TMCC1: variants seen among roughly 807,000 people sequenced by gnomAD.
TMCC1 encodes transmembrane and coiled-coil domains protein 1.
TMCC1 carries 15 observed loss-of-function variants against 52.4 expected under a neutral mutation model. The observed-to-expected ratio is 0.29, with a 90% CI of 0.19 to 0.44. The LOEUF is 0.44. Among genes scored for constraint, TMCC1 ranks in the 20% least tolerant of loss-of-function variants. TMCC1 has a pLI of 1.00. For missense variants in TMCC1, 503 were observed against 806.0 expected (o/e 0.62, Z 4.55); for synonymous variants, 279 against 301.9 (o/e 0.92, Z 0.79).
At chr3:129,753,372 C>G (rs529723910) in intron 4 of TMCC1, among the ~76,000 whole-genome samples, 1 of 152,252 alleles carries the variant, frequency 6.6e-6, no homozygotes, top group East Asian at 1.9e-4. Context: ...AGATGTTTTT[C>G]ACACTCGACA....
chr3:129,721,217 C>G (rs759854272), intron 4 of TMCC1, among the ~76,000 whole-genome samples: 1 of 152,182 alleles, frequency 6.6e-6, no homozygotes. Context: ...AACGGCTAAC[C>G]TGCTCTCCTC....
In TMCC1 at chr3:129,739,449, C is replaced by T. The variant is rs528072802; in HGVS notation, c.577-68185G>A. 2.6e-5 allele frequency among the ~76,000 whole-genome samples: 4 copies of T among 152,252 alleles called. No individual in the cohort carries two copies. The South Asian group carries it at 8.3e-4, about 32-fold the overall frequency. On this transcript the variant is annotated intron_variant, in intron 4 of 6. Transcript: ENST00000393238. The stretch of plus-strand genomic sequence containing the variant: ...CCCAAAGTGCTGAGATTGCGTGAGC[C>T]ACTGCGCCTGGCCCACAGATGATTC...
At chr3:129,779,731 A>G (rs2055360300) in intron 4 of TMCC1, among the ~76,000 whole-genome samples, 1 of 152,172 alleles carries the variant, frequency 6.6e-6, no homozygotes, top group South Asian at 2.1e-4. Flanking sequence ...CTAAATGAAA[A>G]TGGAACAATG....
intron 6 of TMCC1, among the ~76,000 whole-genome samples, chr3:129,653,574 G>C (rs1438037644): frequency 6.6e-6 from 1 of 152,196 alleles, no homozygotes; most frequent in Non-Finnish European, 1.5e-5. Flanking sequence ...CTCCTGAGTA[G>C]CTGGGACTAC....
intron 2 of TMCC1, among the ~76,000 whole-genome samples, chr3:129,878,271 C>CTT (rs1467474501): frequency 6.6e-6 from 1 of 152,086 alleles, no homozygotes; most frequent in Non-Finnish European, 1.5e-5. Flanking sequence ...GCCAACATCT[C>CTT]TAAGTCTTAA....
chr3:129,864,734 T>C lies in TMCC1; in HGVS notation c.-184+15575A>G, dbSNP rs532149040. The stretch of plus-strand genomic sequence containing the variant: ...TCTAGCCTGGGTGATGGGAGTCAGA[T>C]GCTGTCTCACAAAACAAACAAAAAA... On this transcript the variant is annotated intron_variant, in intron 2 of 6. Transcript: ENST00000393238. Among the ~76,000 whole-genome samples the C allele has an allele frequency of 4.2e-4, 64 of 152,348 alleles. 1 individual carries two copies. The highest frequency in any genetic ancestry group is 9.8e-4 in the Admixed American group (15 of 15,300).
chr3:129,873,173 T>G (rs1406895788), intron 2 of TMCC1, among the ~76,000 whole-genome samples: 1 of 152,124 alleles, frequency 6.6e-6, no homozygotes, highest in Non-Finnish European at 1.5e-5. Flanking sequence ...AGTGCTGGGA[T>G]AACAGGCATG....
At chr3:129,683,078 G>A (rs1407917629) in intron 4 of TMCC1, among the ~76,000 whole-genome samples, 4 of 152,140 alleles carry the variant, frequency 2.6e-5, no homozygotes, top group Non-Finnish European at 5.9e-5. Flanking sequence ...CAGGTGATCC[G>A]CCCGCCTTGG....
chr3:129,836,642 T>G (rs2059173197), intron 2 of TMCC1, among the ~76,000 whole-genome samples: 1 of 152,212 alleles, frequency 6.6e-6, no homozygotes, highest in South Asian at 2.1e-4. Context: ...GACAGGCACC[T>G]AAAAGCCTTG....
At chr3:129,791,148 C>T (rs926460143) in intron 4 of TMCC1, among the ~76,000 whole-genome samples, 17 of 138,778 alleles carry the variant, frequency 1.2e-4, no homozygotes, top group Non-Finnish European at 2.3e-4. Context: ...GGCTGGAGTG[C>T]AGTGGTGCAA....
intron 4 of TMCC1, among the ~76,000 whole-genome samples, chr3:129,786,191 C>T (rs1259035664): frequency 6.6e-6 from 1 of 152,038 alleles, no homozygotes. Flanking sequence ...TCACCTGCCT[C>T]GGCCTCCCAA....
intron 4 of TMCC1, among the ~76,000 whole-genome samples, chr3:129,693,425 C>G (rs1189854127): frequency 6.6e-6 from 1 of 151,148 alleles, no homozygotes; most frequent in African/African-American, 2.4e-5. Context: ...AGTATTGTTT[C>G]TTATCCATGA....
intron 4 of TMCC1, among the ~76,000 whole-genome samples, chr3:129,804,735 A>T (rs1368262490): frequency 6.6e-6 from 1 of 152,180 alleles, no homozygotes; most frequent in East Asian, 1.9e-4. Flanking sequence ...TACAGCCTTC[A>T]GCCTCAGTAG....
intron 4 of TMCC1, among the ~76,000 whole-genome samples, chr3:129,748,121 T>C (rs1352723280): frequency 6.6e-6 from 1 of 152,154 alleles, no homozygotes; most frequent in Non-Finnish European, 1.5e-5. Flanking sequence ...ATTTTACCCA[T>C]ATTATCTATA....
At chr3:129,875,445 C>T (rs966039173) in intron 2 of TMCC1, among the ~76,000 whole-genome samples, 4 of 141,932 alleles carry the variant, frequency 2.8e-5, no homozygotes, top group Admixed American at 1.5e-4. Flanking sequence ...CAGCCAAGAT[C>T]GCACCACTGC....
chr3:129,654,808 G>A lies in TMCC1; in HGVS notation c.1647+160C>T, dbSNP rs545263525. Among the ~76,000 whole-genome samples, 299 of 152,316 alleles carry A rather than the reference G, an allele frequency of 2.0e-3. 1 individual carries two copies. Among genetic ancestry groups the A allele is most frequent in the Admixed American group, 3.6e-3 (55 of 15,302 alleles). On this transcript the variant is annotated intron_variant, in intron 6 of 6. Coordinates refer to ENST00000393238, the MANE Select transcript of TMCC1 (RefSeq NM_001017395.5). ...AACCCAAAATGGTATAAACTTTTGAGAAATGCATCTCAATCATTTTAAGAG... is the reference window on the plus strand; with the variant it reads ...AACCCAAAATGGTATAAACTTTTGAAAAATGCATCTCAATCATTTTAAGAG...
chr3:129,847,291 T>C (rs1213502774), intron 2 of TMCC1: 1 of 152,202 alleles, frequency 6.6e-6, no homozygotes, highest in Non-Finnish European at 1.5e-5. Flanking sequence ...AGTGAAGTGA[T>C]AATAATTCAG....
chr3:129,876,141 A>T (rs1261003760), intron 2 of TMCC1, among the ~76,000 whole-genome samples: 7 of 152,028 alleles, frequency 4.6e-5, no homozygotes, highest in Admixed American at 4.6e-4. Context: ...TCTCAAAAAA[A>T]AAAAAAAAAA....
At chr3:129,653,952 A>G (rs1355885351) in intron 6 of TMCC1, among the ~76,000 whole-genome samples, 1 of 152,210 alleles carries the variant, frequency 6.6e-6, no homozygotes, top group East Asian at 1.9e-4. Context: ...CCAGTAACTA[A>G]TAACAACTTG....
Sources: allele counts gnomAD v4.1 joint callset (sites outside exome capture counted in the v4.1 genomes callset), GRCh38; gene constraint gnomAD v4.1.1; transcripts MANE v1.5; gene names NCBI Gene and HGNC (gene_info 2026-07-23, HGNC 2026-07-21).